Variants in HSPB8 observed in about 807,000 individuals in gnomAD.
HSPB8 encodes heat shock protein family B (small) member 8, also known as heat shock protein beta-8.
HSPB8 carries 9 observed loss-of-function variants against 16.5 expected under a neutral mutation model. That is an observed-to-expected ratio of 0.55 (90% confidence interval 0.33 to 0.95). The LOEUF is 0.95. Ranked by LOEUF, HSPB8 falls within the 40% of genes least tolerant of loss-of-function variation. HSPB8 has a pLI of 0.03. For synonymous variants in HSPB8, 99 were observed against 94.8 expected, an observed-to-expected ratio of 1.04 and a Z score of -0.26; for missense variants, 238 against 251.2, an observed-to-expected ratio of 0.95 and a Z score of 0.35.
rs948767581 is a variant in HSPB8 at position 119,185,770 on chromosome 12, G to A, written c.368-1255G>A. ...ATTATAAGAGTGAGCCACTATGCCC[G>A]GCCTATTTTCTGCATTTTCTAACAT... On this transcript the variant is annotated intron_variant, in intron 1 of 2. Transcript: ENST00000281938. Among the ~76,000 whole-genome samples, 23 of 152,002 alleles carry A rather than the reference G, an allele frequency of 1.5e-4. No homozygotes were observed. In the South Asian group the frequency reaches 3.3e-3, roughly 22 times the overall value.
intron 1 of HSPB8, among the ~76,000 whole-genome samples, chr12:119,182,651 A>G (rs936659737): frequency 6.6e-6 from 1 of 152,218 alleles, no homozygotes; most frequent in African/African-American, 2.4e-5. Flanking sequence ...AAAAAATAAA[A>G]AATAAAAATA....
intron 2 of HSPB8, among the ~76,000 whole-genome samples, chr12:119,190,986 A>G (rs561655264): frequency 2.6e-5 from 4 of 152,186 alleles, no homozygotes; most frequent in Non-Finnish European, 4.4e-5. Flanking sequence ...GGACTTGTCT[A>G]TCTCTCTGAG....
chr12:119,192,792 C>T (rs1715516187), intron 2 of HSPB8, among the ~76,000 whole-genome samples: 1 of 152,164 alleles, frequency 6.6e-6, no homozygotes, highest in Non-Finnish European at 1.5e-5. Flanking sequence ...AATGGACTCA[C>T]AGTTCCACAT....
intron 1 of HSPB8, among the ~76,000 whole-genome samples, chr12:119,179,926 C>T (rs1954626297): frequency 6.6e-6 from 1 of 152,094 alleles, no homozygotes; most frequent in Admixed American, 6.5e-5. Context: ...ATGGTACAGA[C>T]AGGAAAATAG....
intron 2 of HSPB8, among the ~76,000 whole-genome samples, chr12:119,189,475 C>A (rs1342464757): frequency 1.3e-5 from 2 of 152,192 alleles, no homozygotes; most frequent in South Asian, 2.1e-4. Context: ...TGGTCCCCAA[C>A]CTTTTTGGCA....
At position 119,194,314 on chromosome 12, in the gene HSPB8, T is replaced by C. The variant is rs951721638; in HGVS notation, c.*456T>C. ...AATGAAACCCAGTAGCTAACCCCAC[T>C]GTGCTTCCACATGCCTGGCCTAAAA... On this transcript the variant is annotated 3_prime_UTR_variant, in exon 3 of 3. Coordinates refer to ENST00000281938, the MANE Select transcript of HSPB8 (RefSeq NM_014365.3). 11 of 263,160 alleles carry C rather than the reference T, an allele frequency of 4.2e-5. No individual in the cohort carries two copies. The highest frequency in any genetic ancestry group is 2.0e-4 in the Admixed American group (4 of 19,634). 16.3% of individuals were successfully genotyped at this position (263,160 alleles called of 1,614,324 possible).
chr12:119,183,812 C>T (rs939696935), intron 1 of HSPB8, among the ~76,000 whole-genome samples: 1 of 152,164 alleles, frequency 6.6e-6, no homozygotes, highest in Non-Finnish European at 1.5e-5. Flanking sequence ...GCTTTCCCTG[C>T]TCAGAGATCC....
intron 2 of HSPB8, among the ~76,000 whole-genome samples, chr12:119,188,702 C>T (rs1954692558): frequency 6.6e-6 from 1 of 152,108 alleles, no homozygotes; most frequent in Admixed American, 6.5e-5. Context: ...TTTAGAAGGG[C>T]CCAGAATAGA....
At chr12:119,192,739 C>T (rs910181364) in intron 2 of HSPB8, among the ~76,000 whole-genome samples, 2 of 152,040 alleles carry the variant, frequency 1.3e-5, no homozygotes, top group African/African-American at 4.8e-5. Flanking sequence ...TAAAGACATA[C>T]CTGAGACTAC....
chr12:119,182,458 G>A (rs1000959983), intron 1 of HSPB8, among the ~76,000 whole-genome samples: 2 of 151,942 alleles, frequency 1.3e-5, no homozygotes, highest in African/African-American at 4.8e-5. Context: ...GGTCAACATG[G>A]CGAAACCCCG....
intron 1 of HSPB8, among the ~76,000 whole-genome samples, chr12:119,185,971 C>T (rs1954673250): frequency 2.6e-5 from 4 of 152,154 alleles, no homozygotes; most frequent in Admixed American, 2.6e-4. Context: ...GGGTTCTTGC[C>T]TCCAGAAGGT....
intron 1 of HSPB8, chr12:119,182,835 T>C (rs1368339679): frequency 6.6e-6 from 1 of 152,072 alleles, no homozygotes; most frequent in Middle Eastern, 3.2e-3. Flanking sequence ...AACCCCATTA[T>C]ACAGATAAGG....
intron 1 of HSPB8, among the ~76,000 whole-genome samples, chr12:119,181,339 A>G (rs1954636010): frequency 6.6e-6 from 1 of 152,226 alleles, no homozygotes; most frequent in African/African-American, 2.4e-5. Flanking sequence ...GGTTCGATCT[A>G]GAAATGCAGG....
In HSPB8 at chr12:119,187,011, T is replaced by C; in HGVS notation, c.368-14T>C. The C allele has an allele frequency of 6.2e-7, 1 of 1,613,778 alleles. No individual in the cohort carries two copies. Among genetic ancestry groups the C allele is most frequent in the Non-Finnish European group, 8.5e-7 (1 of 1,179,762 alleles). The stretch of plus-strand genomic sequence containing the variant: ...AACATAGATGCTGACACGCCACACT[T>C]TTCTTCCTTCCAGGCAAACATGAAG... On this transcript the variant is annotated splice_polypyrimidine_tract_variant and intron_variant, in intron 1 of 2. Transcript: ENST00000281938.
chr12:119,187,977 G>A (rs1954687331), intron 2 of HSPB8, among the ~76,000 whole-genome samples: 1 of 152,160 alleles, frequency 6.6e-6, no homozygotes, highest in South Asian at 2.1e-4. Context: ...TTTTGCTGAG[G>A]GGAGTAGAAG....
intron 1 of HSPB8, among the ~76,000 whole-genome samples, chr12:119,184,465 G>A (rs1257827617): frequency 2.0e-5 from 3 of 152,200 alleles, no homozygotes; most frequent in African/African-American, 7.2e-5. Context: ...AGGGGAAGCA[G>A]GTCTCCCGGC....
At chr12:119,184,479 C>T (rs1954660859) in intron 1 of HSPB8, among the ~76,000 whole-genome samples, 1 of 152,190 alleles carries the variant, frequency 6.6e-6, no homozygotes, top group Non-Finnish European at 1.5e-5. Context: ...TCCCGGCGCC[C>T]TGGCTGTGGG....
At chr12:119,179,708 T>A (rs1367772956) in intron 1 of HSPB8, 29 bp downstream of exon 1, 1 of 1,548,772 alleles carries the variant, frequency 6.5e-7, no homozygotes, top group East Asian at 2.3e-5. Flanking sequence ...GGAGAGAGAA[T>A]GGGGAGGCCG....
At chr12:119,186,024 C>T (rs1329943407) in intron 1 of HSPB8, among the ~76,000 whole-genome samples, 1 of 152,102 alleles carries the variant, frequency 6.6e-6, no homozygotes, top group Admixed American at 6.5e-5. Flanking sequence ...CGAATGGCCC[C>T]ACTGTTGTAC....
Sources: allele counts gnomAD v4.1 joint callset (sites outside exome capture counted in the v4.1 genomes callset), GRCh38; gene constraint gnomAD v4.1.1; transcripts MANE v1.5; gene names NCBI Gene and HGNC (gene_info 2026-07-23, HGNC 2026-07-21).